SEMA3A: variants seen among roughly 807,000 people sequenced by gnomAD.
SEMA3A encodes the protein semaphorin 3A, also known as semaphorin-3A.
In SEMA3A, 29 loss-of-function variants were observed where a neutral mutation model predicts 97.9. The observed-to-expected ratio is 0.30, with a 90% CI of 0.22 to 0.40. SEMA3A has a LOEUF of 0.40. Ranked by LOEUF, SEMA3A falls within the 10% of genes least tolerant of loss-of-function variation. The probability of loss-of-function intolerance (pLI) is 1.00; values close to 1 mark genes in which losing one functional copy is unlikely to be tolerated. For synonymous variants in SEMA3A, 321 were observed against 323.7 expected (o/e 0.99, Z 0.09); for missense variants, 763 against 951.3 (o/e 0.80, Z 2.60).
At chr7:84,033,700 AG>A (rs1216602845) in intron 6 of SEMA3A, among the ~76,000 whole-genome samples, 6 of 152,194 alleles carry the variant, frequency 3.9e-5, no homozygotes, top group African/African-American at 1.4e-4. Context: ...AATAATCAAA[AG>A]TATAATATAC....
intron 1 of SEMA3A, among the ~76,000 whole-genome samples, chr7:84,190,278 T>C (rs919464184): frequency 5.3e-5 from 8 of 151,668 alleles, no homozygotes; most frequent in African/African-American, 1.9e-4. Context: ...GACTAAGTGT[T>C]TTATTTTATG....
At chr7:84,313,356 G>GTGTATATA (rs1247157469) in intron 2 of SEMA3A, among the ~76,000 whole-genome samples, 3 of 23,048 alleles carry the variant, frequency 1.3e-4, no homozygotes, top group Non-Finnish European at 2.0e-4. Flanking sequence ...ATGTGTGTGT[G>GTGTATATA]TATATATATA....
At chr7:84,181,412 G>A (rs1797734766) in intron 1 of SEMA3A, among the ~76,000 whole-genome samples, 1 of 150,788 alleles carries the variant, frequency 6.6e-6, no homozygotes, top group Non-Finnish European at 1.5e-5. Flanking sequence ...AAAAAGAAGG[G>A]GATTTTTTTA....
At chr7:84,099,616 A>C (rs1794893590) in intron 4 of SEMA3A, among the ~76,000 whole-genome samples, 1 of 152,156 alleles carries the variant, frequency 6.6e-6, no homozygotes, top group Non-Finnish European at 1.5e-5. Flanking sequence ...ATGCTATAAA[A>C]CAAGTTTGAC....
chr7:84,418,979 A>G (rs1804515278), intron 1 of SEMA3A, among the ~76,000 whole-genome samples: 1 of 152,098 alleles, frequency 6.6e-6, no homozygotes, highest in East Asian at 1.9e-4. Context: ...ACATATATAT[A>G]CATACATACA....
intron 3 of SEMA3A, chr7:84,307,145 T>A (rs1801180695): frequency 6.6e-6 from 1 of 152,148 alleles, no homozygotes; most frequent in Non-Finnish European, 1.5e-5. Flanking sequence ...AGTGCAGTAG[T>A]ATCTCTAAAT....
chr7:84,170,229 C>T (rs769533343), intron 1 of SEMA3A, among the ~76,000 whole-genome samples: 50 of 151,946 alleles, frequency 3.3e-4, no homozygotes, highest in Admixed American at 7.2e-4. Context: ...TTTAAACACG[C>T]GTTGCTTTAT....
intron 4 of SEMA3A, among the ~76,000 whole-genome samples, chr7:84,062,547 G>T (rs182009412): frequency 1.6e-4 from 24 of 152,314 alleles, no homozygotes; most frequent in African/African-American, 5.8e-4. Context: ...AGTGGGCATA[G>T]GTCAGTGGGT....
chr7:84,003,539 T>C (rs373869510), intron 11 of SEMA3A, among the ~76,000 whole-genome samples: 19 of 152,132 alleles, frequency 1.2e-4, no homozygotes, highest in Non-Finnish European at 5.9e-5. Context: ...CATCAGACAT[T>C]CAACACACTC....
At chr7:84,248,280 T>C (rs1051329487) in intron 3 of SEMA3A, among the ~76,000 whole-genome samples, 1 of 152,196 alleles carries the variant, frequency 6.6e-6, no homozygotes, top group Non-Finnish European at 1.5e-5. Context: ...TAATAATGTA[T>C]TTGAGGGAAA....
intron 4 of SEMA3A, among the ~76,000 whole-genome samples, chr7:84,085,808 G>A (rs1047570315): frequency 2.0e-4 from 31 of 151,988 alleles, no homozygotes; most frequent in Admixed American, 2.0e-3. Flanking sequence ...AAGCAAAATG[G>A]AAAAGATGCA....
intron 9 of SEMA3A, among the ~76,000 whole-genome samples, chr7:84,008,891 C>T (rs1175501884): frequency 6.6e-6 from 1 of 152,116 alleles, no homozygotes; most frequent in East Asian, 1.9e-4. Context: ...ATACTTGATA[C>T]ATCACACTTT....
At chr7:84,407,855 A>C (rs989450470) in intron 1 of SEMA3A, among the ~76,000 whole-genome samples, 6 of 152,224 alleles carry the variant, frequency 3.9e-5, no homozygotes, top group Admixed American at 1.3e-4. Flanking sequence ...AGAAAGCTGA[A>C]ACTGGATCCT....
chr7:84,399,628 A>G (rs2116204576), intron 1 of SEMA3A, among the ~76,000 whole-genome samples: 1 of 152,342 alleles, frequency 6.6e-6, no homozygotes, highest in African/African-American at 2.4e-5. Context: ...CCCTAGTTCC[A>G]GGTCATTATT....
At chr7:84,424,275 A>C (rs1368263104) in intron 1 of SEMA3A, among the ~76,000 whole-genome samples, 1 of 147,262 alleles carries the variant, frequency 6.8e-6, no homozygotes, top group Non-Finnish European at 1.5e-5. Flanking sequence ...GATAAAGAAA[A>C]TGTTAAATAT....
chr7:84,297,483 G>A (rs1234353839), intron 3 of SEMA3A, among the ~76,000 whole-genome samples: 3 of 152,054 alleles, frequency 2.0e-5, no homozygotes, highest in Admixed American at 2.0e-4. Flanking sequence ...AATAAAATGA[G>A]ATAAAATTCC....
intron 1 of SEMA3A, among the ~76,000 whole-genome samples, chr7:84,184,059 G>T (rs1183795598): frequency 6.6e-6 from 1 of 152,108 alleles, no homozygotes. Context: ...AGAGGAGATA[G>T]TTTTTCCCTA....
intron 4 of SEMA3A, among the ~76,000 whole-genome samples, chr7:84,091,801 T>C (rs1192234024): frequency 6.6e-6 from 1 of 152,206 alleles, no homozygotes. Flanking sequence ...AGAGTTTAAA[T>C]AGAGCCAGTT....
chr7:83,969,171 T>TCTGG (rs1381510795), intron 15 of SEMA3A, among the ~76,000 whole-genome samples: 1 of 152,186 alleles, frequency 6.6e-6, no homozygotes, highest in Non-Finnish European at 1.5e-5. Flanking sequence ...TAGCACAATA[T>TCTGG]CTGGGCACAG....
Sources: gnomAD v4.1 joint callset for allele counts (sites outside exome capture counted in the v4.1 genomes callset) on GRCh38, gnomAD v4.1.1 for gene constraint, MANE v1.5 for transcripts, NCBI Gene and HGNC (gene_info 2026-07-23, HGNC 2026-07-21) for gene names.